The following ANKLE2 variants were observed in gnomAD, a reference collection of about 807,000 sequenced individuals.
ANKLE2 encodes ankyrin repeat and LEM domain-containing protein 2.
A neutral mutation model predicts 84.2 loss-of-function variants in ANKLE2; 55 were observed. That is an observed-to-expected ratio of 0.65 (90% CI 0.53 to 0.82). The LOEUF (loss-of-function observed/expected upper bound fraction) is 0.82, where lower values mean the gene tolerates loss of function less well. Ranked by LOEUF, ANKLE2 falls within the 40% of genes least tolerant of loss-of-function variation. The pLI, the probability that ANKLE2 is intolerant of heterozygous loss-of-function variation, is 0.00. For synonymous variants in ANKLE2, 551 were observed against 486.1 expected, an observed-to-expected ratio of 1.13 and a Z score of -1.76; for missense variants, 1,238 against 1,201.9, an observed-to-expected ratio of 1.03 and a Z score of -0.44.
chr12:132,758,670 C>T (rs1369255182), intron 1 of ANKLE2: 1 of 152,148 alleles, frequency 6.6e-6, no homozygotes, highest in East Asian at 1.9e-4. Context: ...ATTACAGGTA[C>T]CTGCCACCAC....
chr12:132,744,231 G>C (rs976656606), intron 5 of ANKLE2, among the ~76,000 whole-genome samples: 13 of 152,264 alleles, frequency 8.5e-5, no homozygotes, highest in African/African-American at 3.1e-4. Flanking sequence ...AAGACCTGAA[G>C]GGCCAACTCC....
At chr12:132,756,133 T>A (rs1244323208) in intron 1 of ANKLE2, 1 of 151,478 alleles carries the variant, frequency 6.6e-6, no homozygotes, top group African/African-American at 2.4e-5. Context: ...TTGTATTCTT[T>A]GGGAGGCAGG....
rs542207543 is a variant in ANKLE2 at position 132,726,890 on chromosome 12, G to A, written c.*352C>T. The A allele has an allele frequency of 8.9e-5, 19 of 213,138 alleles. No individual in the cohort carries two copies. In the South Asian group the frequency reaches 2.5e-3, roughly 28 times the overall value. 13.2% of individuals were successfully genotyped at this position (213,138 alleles called of 1,614,324 possible). A position where few individuals can be genotyped will look rare whatever the true frequency, so the allele number is the denominator to read the frequency against. ...CCCCTCCTCATCCACAGCGTCTGTC[G>A]GATGAGGTGAGTACAGGGTAAGTAC... is the stretch of plus-strand genomic sequence containing the variant. On this transcript the variant is annotated 3_prime_UTR_variant, in exon 13 of 13. Coordinates refer to ENST00000357997, the MANE Select transcript of ANKLE2 (RefSeq NM_015114.3).
Position 132,729,900 on chromosome 12 carries a change from T to C in ANKLE2, c.2262A>G (p.Glu754=). 1 of 1,613,692 alleles carries C rather than the reference T, an allele frequency of 6.2e-7. No individual in the cohort carries two copies. Among genetic ancestry groups the C allele is most frequent in the Non-Finnish European group, 8.5e-7 (1 of 1,179,888 alleles). The change falls in exon 11 of 13, where the codon GAA becomes GAG. Residue 754 remains glutamate, a synonymous_variant. Coordinates refer to ENST00000357997, the MANE Select transcript of ANKLE2 (RefSeq NM_015114.3). ...GGATCTGATCTTTAGTTTTTGTACTTTCATCTGGTGTCTTGGAAACGCTAC... is the reference window on the plus strand; with the variant it reads ...GGATCTGATCTTTAGTTTTTGTACTCTCATCTGGTGTCTTGGAAACGCTAC... ...IGRSVSKTPD[E]STKTKDQILT... is the part of the protein sequence containing the mutation.
chr12:132,736,190 T>C (rs1052949996), intron 8 of ANKLE2, among the ~76,000 whole-genome samples: 1 of 152,220 alleles, frequency 6.6e-6, no homozygotes, highest in African/African-American at 2.4e-5. Context: ...GACCTCGTGA[T>C]CCACCCGCCT....
At chr12:132,742,742 G>T (rs367599426) in intron 6 of ANKLE2, among the ~76,000 whole-genome samples, 20 of 548 alleles carry the variant, frequency 0.036, no homozygotes, top group East Asian at 0.05. Flanking sequence ...ACACCACCAT[G>T]ATCATTGCTA....
intron 7 of ANKLE2, chr12:132,738,008 C>A (rs925692812): frequency 6.6e-6 from 1 of 152,354 alleles, no homozygotes; most frequent in African/African-American, 2.4e-5. Context: ...TCCACCTCCA[C>A]CTCCAAAAGT....
intron 7 of ANKLE2, among the ~76,000 whole-genome samples, chr12:132,740,229 T>C (rs964104233): frequency 6.6e-6 from 1 of 152,218 alleles, no homozygotes; most frequent in African/African-American, 2.4e-5. Context: ...GCTAACAGCA[T>C]GCAGGATTCA....
At chr12:132,747,211 CCT>C (rs1176540527) in intron 5 of ANKLE2, among the ~76,000 whole-genome samples, 10 of 151,660 alleles carry the variant, frequency 6.6e-5, no homozygotes, top group Non-Finnish European at 1.3e-4. Flanking sequence ...ACCCCAGCAG[CCT>C]CTCTCTCTCC....
chr12:132,745,720 G>A, intron 5 of ANKLE2: 1 of 186,850 alleles, frequency 5.4e-6, no homozygotes, highest in South Asian at 1.1e-4. Flanking sequence ...AGCAGGGAGG[G>A]GCGACGAGCC....
At position 132,727,453 on chromosome 12, in the gene ANKLE2, G is replaced by A; in HGVS notation, c.2616-10C>T. ...CGCGGGACTGGGCCAACTGCGGAAA[G>A]CAAGAAAGAACTGTTAGCAGACGGG... On this transcript the variant is annotated splice_polypyrimidine_tract_variant and intron_variant, in intron 12 of 12. Coordinates refer to ENST00000357997, the MANE Select transcript of ANKLE2 (RefSeq NM_015114.3). 1.3e-6 allele frequency: 2 copies of A among 1,551,962 alleles called. No individual in the cohort carries two copies. The highest frequency in any genetic ancestry group is 1.7e-6 in the Non-Finnish European group (2 of 1,147,780).
At position 132,754,674 on chromosome 12, in the gene ANKLE2, C is replaced by T. The variant is rs1393679848; in HGVS notation, c.640+1G>A. 4 of 1,597,690 alleles carry T rather than the reference C, an allele frequency of 2.5e-6. No homozygotes were observed. Among genetic ancestry groups the T allele is most frequent in the Non-Finnish European group, 3.4e-6 (4 of 1,170,060 alleles). The stretch of plus-strand genomic sequence containing the variant: ...GGAAATCCTACACACGGTCCCATTA[C>T]CATTTCTCGCTGGGACGTCCTCATA... On this transcript the variant is annotated splice_donor_variant, in intron 2 of 12. Coordinates refer to ENST00000357997, the MANE Select transcript of ANKLE2 (RefSeq NM_015114.3). LOFTEE classifies it high-confidence loss of function.
chr12:132,734,323 C>T (rs2043960454), intron 10 of ANKLE2, 62 bp downstream of exon 10: 4 of 1,556,000 alleles, frequency 2.6e-6, no homozygotes, highest in East Asian at 2.2e-5. Context: ...GTGCGCATCC[C>T]GTCAGACCCC....
chr12:132,761,556 G>A, intron 1 of ANKLE2, 62 bp downstream of exon 1: 2 of 1,174,052 alleles, frequency 1.7e-6, no homozygotes, highest in Non-Finnish European at 2.1e-6. Flanking sequence ...CCAGGCCCGA[G>A]GAGGGCGTCG....
chr12:132,761,799 C>T lies in ANKLE2; in HGVS notation c.-1G>A. 9.2e-7 allele frequency: 1 copy of T among 1,082,570 alleles called. No homozygotes were observed. 67.1% of individuals were successfully genotyped at this position (1,082,570 alleles called of 1,614,324 possible). On this transcript the variant is annotated 5_prime_UTR_variant, in exon 1 of 13. Coordinates refer to ENST00000357997, the MANE Select transcript of ANKLE2 (RefSeq NM_015114.3). ...CCGCCGCCAGCCGCGGCCACAGCAT[C>T]GCCGCCGCCCGGGCCGCAGCCGCCG...
At chr12:132,760,530 C>G (rs1296352531) in intron 1 of ANKLE2, 2 of 152,276 alleles carry the variant, frequency 1.3e-5, no homozygotes, top group African/African-American at 2.4e-5. Context: ...GGGCGTAACC[C>G]GGTGACCTCC....
At chr12:132,734,924 G>A (rs568574341) in intron 9 of ANKLE2, 14 of 295,660 alleles carry the variant, frequency 4.7e-5, no homozygotes, top group South Asian at 3.2e-4. Context: ...GAACTTGCCC[G>A]TGGTTCTAGT....
At chr12:132,754,620 G>A (rs2044433963) in intron 2 of ANKLE2, 55 bp downstream of exon 2, 3 of 1,487,310 alleles carry the variant, frequency 2.0e-6, no homozygotes, top group South Asian at 2.7e-5. Context: ...ACGTCATCCC[G>A]CCCCTCCGCG....
intron 2 of ANKLE2, among the ~76,000 whole-genome samples, chr12:132,751,754 G>A (rs886240956): frequency 2.6e-5 from 4 of 152,116 alleles, no homozygotes; most frequent in African/African-American, 7.2e-5. Flanking sequence ...TGTTGGCCAG[G>A]CTAGTCTTGA....
Sources: allele counts gnomAD v4.1 joint callset (sites outside exome capture counted in the v4.1 genomes callset), GRCh38; gene constraint gnomAD v4.1.1; transcripts MANE v1.5; gene names NCBI Gene and HGNC (gene_info 2026-07-23, HGNC 2026-07-21).